QKI: variants seen among roughly 807,000 people sequenced by gnomAD.
QKI encodes the protein QKI, KH domain containing RNA binding, also known as KH domain-containing RNA-binding protein QKI.
Under a neutral mutation model 39.0 loss-of-function variants are expected in QKI, and 10 were observed. That is an observed-to-expected ratio of 0.26 (90% CI 0.16 to 0.43). The LOEUF is 0.43. Among genes scored for constraint, QKI ranks in the 20% least tolerant of loss-of-function variants. The pLI is 1.00. For synonymous variants in QKI, 204 were observed against 155.4 expected, an observed-to-expected ratio of 1.31 and a Z score of -2.33; for missense variants, 218 against 428.0, an observed-to-expected ratio of 0.51 and a Z score of 4.33.
intron 3 of QKI, among the ~76,000 whole-genome samples, chr6:163,514,860 A>G (rs768059949): frequency 3.3e-5 from 5 of 152,208 alleles, no homozygotes; most frequent in Admixed American, 1.3e-4. Flanking sequence ...ATTACTGACT[A>G]GAAAACTTAT....
At chr6:163,468,285 CA>C (rs202096153) in intron 2 of QKI, among the ~76,000 whole-genome samples, 2,394 of 152,216 alleles carry the variant, frequency 0.016, 27 homozygotes, top group Non-Finnish European at 0.024. Flanking sequence ...ATCTGTTGTG[CA>C]AAAAGCAATC....
At chr6:163,502,368 A>G (rs1349283009) in intron 3 of QKI, among the ~76,000 whole-genome samples, 1 of 152,086 alleles carries the variant, frequency 6.6e-6, no homozygotes, top group Non-Finnish European at 1.5e-5. Flanking sequence ...ATATATATGT[A>G]TATTCTTAAT....
At chr6:163,535,280 A>G (rs1410355534) in intron 4 of QKI, among the ~76,000 whole-genome samples, 155 bp downstream of exon 4, 1 of 152,222 alleles carries the variant, frequency 6.6e-6, no homozygotes, top group East Asian at 1.9e-4. Flanking sequence ...TTCTAACATA[A>G]TAAAAACATA....
At chr6:163,464,459 T>C (rs1791578727) in intron 2 of QKI, among the ~76,000 whole-genome samples, 1 of 152,068 alleles carries the variant, frequency 6.6e-6, no homozygotes, top group Non-Finnish European at 1.5e-5. Context: ...GACAGACCTT[T>C]AGTTGGACTA....
intron 1 of QKI, among the ~76,000 whole-genome samples, chr6:163,427,091 C>G (rs990145381): frequency 2.0e-5 from 3 of 152,070 alleles, no homozygotes; most frequent in African/African-American, 7.2e-5. Flanking sequence ...GTATGAAATA[C>G]TTGAATTTAG....
chr6:163,562,726 TTTAAA>T (rs1326844573), intron 5 of QKI, among the ~76,000 whole-genome samples: 1 of 152,230 alleles, frequency 6.6e-6, no homozygotes, highest in African/African-American at 2.4e-5. Context: ...ACATACCATG[TTTAAA>T]TTACTGATTA....
chr6:163,528,778 A>G (rs748578213), intron 3 of QKI, among the ~76,000 whole-genome samples: 3 of 152,160 alleles, frequency 2.0e-5, no homozygotes, highest in Non-Finnish European at 2.9e-5. Context: ...GCAAGCTACT[A>G]TATTTGAATT....
intron 2 of QKI, among the ~76,000 whole-genome samples, chr6:163,477,371 A>G (rs944067904): frequency 1.3e-5 from 2 of 152,172 alleles, no homozygotes; most frequent in Non-Finnish European, 2.9e-5. Flanking sequence ...ACCAGCTAGA[A>G]TCTGTGTGCT....
At chr6:163,438,337 C>G (rs1789471274) in intron 1 of QKI, among the ~76,000 whole-genome samples, 1 of 151,612 alleles carries the variant, frequency 6.6e-6, no homozygotes, top group Admixed American at 6.5e-5. Flanking sequence ...ATGACCAGTA[C>G]TATTATTATT....
In QKI at chr6:163,478,762, C is replaced by CTT. The variant is rs761851020; in HGVS notation, c.286-7_286-6dup. On this transcript the variant is annotated splice_polypyrimidine_tract_variant and intron_variant, in intron 2 of 7. Transcript: ENST00000361752. ...AGCAAGTGAATAATGTATAGTGATCCTTTTTTTTTTTTCTCAGTTTAATTT... is the reference window on the plus strand; with the variant it reads ...AGCAAGTGAATAATGTATAGTGATCCTTTTTTTTTTTTTTCTCAGTTTAATTT... The CTT allele has an allele frequency of 5.2e-4, 595 of 1,147,438 alleles. No homozygotes were observed. The highest frequency in any genetic ancestry group is 1.5e-3 in the African/African-American group (97 of 63,248). The allele number at this position is 1,147,438 out of a possible 1,614,324, so 71.1% of individuals were successfully genotyped here.
intron 7 of QKI, chr6:163,567,993 G>A (rs562384445): frequency 8.1e-6 from 8 of 985,388 alleles, no homozygotes; most frequent in Non-Finnish European, 8.4e-6. Flanking sequence ...CATAAAGAAC[G>A]TTGAAGACTT....
chr6:163,452,535 T>G (rs956340103), intron 1 of QKI, among the ~76,000 whole-genome samples: 2 of 152,144 alleles, frequency 1.3e-5, no homozygotes, highest in African/African-American at 4.8e-5. Context: ...AAGTATTTAT[T>G]GAGGGCCAGC....
At chr6:163,474,477 G>GA (rs932550038) in intron 2 of QKI, among the ~76,000 whole-genome samples, 17 of 151,760 alleles carry the variant, frequency 1.1e-4, no homozygotes, top group African/African-American at 3.6e-4. Flanking sequence ...AAGGTTGATA[G>GA]AAAAAAACCC....
chr6:163,563,494 CCACCAGCTGCCCTGCGTACTCCTA>C lies in QKI; in HGVS notation c.711_734del (p.Ala240_Ala247del). The C allele has an allele frequency of 6.2e-7, 1 of 1,614,168 alleles. No individual in the cohort carries two copies. Among genetic ancestry groups the C allele is most frequent in the Non-Finnish European group, 8.5e-7 (1 of 1,180,016 alleles). On this transcript the variant is annotated inframe_deletion, in exon 6 of 8. Transcript: ENST00000361752. ...CATTACTGGGCCTGCGCCGGTTCTC[CCACCAGCTGCCCTGCGTACTCCTA>C]CGCCAGCTGGCCCTACCATAATGCC...
chr6:163,550,274 T>C (rs1782144728), intron 4 of QKI, among the ~76,000 whole-genome samples: 1 of 152,136 alleles, frequency 6.6e-6, no homozygotes, highest in Admixed American at 6.5e-5. Flanking sequence ...GCTAGTGTGT[T>C]CGCCCAGGTC....
intron 3 of QKI, among the ~76,000 whole-genome samples, chr6:163,519,412 T>G (rs1780017474): frequency 1.3e-5 from 2 of 151,900 alleles, no homozygotes; most frequent in African/African-American, 4.8e-5. Context: ...CCTGTGGGCC[T>G]TAAAAAGAGT....
intron 7 of QKI, chr6:163,568,197 A>C (rs1158869983): frequency 1.6e-5 from 16 of 984,470 alleles, no homozygotes; most frequent in Non-Finnish European, 1.7e-5. Context: ...TTGAGGTTTT[A>C]TTCATATTGC....
chr6:163,566,666 T>C lies in QKI; in HGVS notation c.935-55T>C, dbSNP rs370333773. 7.1e-4 allele frequency: 1,142 copies of C among 1,598,466 alleles called. 1 individual carries two copies. Among genetic ancestry groups the C allele is most frequent in the Middle Eastern group, 3.9e-3 (23 of 5,970 alleles). On this transcript the variant is annotated intron_variant, in intron 6 of 7. Coordinates refer to ENST00000361752, the MANE Select transcript of QKI (RefSeq NM_006775.3). ...TTTGATAAACCTGCTGTTAATGTTT[T>C]TTCCCCCCTTGTGAATGTTTTCTAA...
At chr6:163,541,721 GT>G (rs1781533124) in intron 4 of QKI, among the ~76,000 whole-genome samples, 1 of 151,790 alleles carries the variant, frequency 6.6e-6, no homozygotes, top group African/African-American at 2.4e-5. Flanking sequence ...TCATTAAAAA[GT>G]TTTACTCTAT....
Sources: allele counts gnomAD v4.1 joint callset (sites outside exome capture counted in the v4.1 genomes callset), GRCh38; gene constraint gnomAD v4.1.1; transcripts MANE v1.5; gene names NCBI Gene and HGNC (gene_info 2026-07-23, HGNC 2026-07-21).